EFCAB11: variants seen among roughly 807,000 people sequenced by gnomAD.
EFCAB11 encodes EF-hand calcium-binding domain-containing protein 11.
Under a neutral mutation model 23.0 loss-of-function variants are expected in EFCAB11, and 14 were observed. That is an observed-to-expected ratio of 0.61 (90% confidence interval 0.40 to 0.95). The LOEUF is 0.95. Ranked by LOEUF, EFCAB11 falls within the 40% of genes least tolerant of loss-of-function variation. The probability of loss-of-function intolerance (pLI) is 0.00; values close to 1 mark genes in which losing one functional copy is unlikely to be tolerated. For missense variants in EFCAB11, 198 were observed against 195.8 expected, an observed-to-expected ratio of 1.01 and a Z score of -0.07; for synonymous variants, 65 against 66.6, an observed-to-expected ratio of 0.98 and a Z score of 0.11.
At chr14:89,918,894 T>C (rs1889934797) in intron 5 of EFCAB11, among the ~76,000 whole-genome samples, 2 of 150,494 alleles carry the variant, frequency 1.3e-5, no homozygotes, top group African/African-American at 4.9e-5. Context: ...GCCAGCTGAG[T>C]TACATTTCTC....
At chr14:89,818,946 G>A (rs973293101) in intron 5 of EFCAB11, among the ~76,000 whole-genome samples, 5 of 152,138 alleles carry the variant, frequency 3.3e-5, no homozygotes, top group Non-Finnish European at 5.9e-5. Context: ...CAGCCACTTC[G>A]GAAAAATTAG....
chr14:89,925,841 T>G (rs1391886196), intron 5 of EFCAB11, among the ~76,000 whole-genome samples: 1 of 152,002 alleles, frequency 6.6e-6, no homozygotes, highest in Non-Finnish European at 1.5e-5. Context: ...AGACAAGTTT[T>G]TTTTTGAGAC....
At chr14:89,898,198 G>A (rs1052283748) in intron 5 of EFCAB11, among the ~76,000 whole-genome samples, 13 of 152,148 alleles carry the variant, frequency 8.5e-5, no homozygotes, top group Non-Finnish European at 1.6e-4. Flanking sequence ...AAGGTGTGAG[G>A]CCTTGCATGG....
intron 3 of EFCAB11, among the ~76,000 whole-genome samples, chr14:89,940,170 T>C (rs1890741656): frequency 6.6e-6 from 1 of 152,248 alleles, no homozygotes; most frequent in African/African-American, 2.4e-5. Context: ...TGAATATCTG[T>C]AGGAGATTCC....
chr14:89,862,339 G>T (rs1887951954), intron 5 of EFCAB11, among the ~76,000 whole-genome samples: 1 of 152,046 alleles, frequency 6.6e-6, no homozygotes, highest in Non-Finnish European at 1.5e-5. Flanking sequence ...AAACCACTGG[G>T]ACAAAAATCT....
intron 5 of EFCAB11, among the ~76,000 whole-genome samples, chr14:89,897,625 A>ACCC (rs1391510066): frequency 1.3e-5 from 2 of 152,226 alleles, no homozygotes; most frequent in Non-Finnish European, 2.9e-5. Context: ...GTTAATGGTA[A>ACCC]TATTGTAGTT....
At chr14:89,867,354 T>G (rs1348462503) in intron 5 of EFCAB11, among the ~76,000 whole-genome samples, 2 of 152,188 alleles carry the variant, frequency 1.3e-5, no homozygotes, top group African/African-American at 2.4e-5. Flanking sequence ...TCCCTGGTCC[T>G]CCCCAAACCT....
intron 5 of EFCAB11, among the ~76,000 whole-genome samples, chr14:89,908,456 A>G (rs1031170822): frequency 6.6e-6 from 1 of 152,238 alleles, no homozygotes; most frequent in African/African-American, 2.4e-5. Flanking sequence ...AATTCCATAC[A>G]TAAGTATTTA....
chr14:89,941,681 G>T (rs540143121), intron 3 of EFCAB11, among the ~76,000 whole-genome samples: 1 of 150,460 alleles, frequency 6.6e-6, no homozygotes, highest in African/African-American at 2.4e-5. Context: ...CTCCCAAGTA[G>T]CTGGGAATAT....
intron 5 of EFCAB11, among the ~76,000 whole-genome samples, chr14:89,925,141 C>G (rs1890149336): frequency 6.6e-6 from 1 of 152,134 alleles, no homozygotes; most frequent in South Asian, 2.1e-4. Context: ...TAAACCTGGA[C>G]AGGTAAGAGT....
At chr14:89,860,561 T>C (rs979899415) in intron 5 of EFCAB11, among the ~76,000 whole-genome samples, 2 of 152,286 alleles carry the variant, frequency 1.3e-5, no homozygotes, top group East Asian at 1.9e-4. Flanking sequence ...TCTTTGAAGA[T>C]ATTTCAGTTG....
chr14:89,828,461 TG>T (rs560740813), intron 5 of EFCAB11, among the ~76,000 whole-genome samples: 46 of 152,274 alleles, frequency 3.0e-4, no homozygotes, highest in South Asian at 6.2e-4. Context: ...AATGATGACA[TG>T]GAAGTGATTC....
At chr14:89,873,893 C>T (rs140155785) in intron 5 of EFCAB11, among the ~76,000 whole-genome samples, 68 of 152,272 alleles carry the variant, frequency 4.5e-4, no homozygotes, top group Non-Finnish European at 6.2e-4. Context: ...TCCAGGTACA[C>T]GATCCAAGCT....
chr14:89,888,336 T>C (rs1397522940), intron 5 of EFCAB11, among the ~76,000 whole-genome samples: 1 of 152,200 alleles, frequency 6.6e-6, no homozygotes, highest in Non-Finnish European at 1.5e-5. Context: ...TAAAGAAATA[T>C]CTGAGCTTAG....
intron 5 of EFCAB11, among the ~76,000 whole-genome samples, chr14:89,842,968 G>A (rs777392087): frequency 3.3e-4 from 50 of 152,178 alleles, no homozygotes; most frequent in Non-Finnish European, 5.7e-4. Flanking sequence ...TCTAAACAGG[G>A]TGAGGTGCTC....
chr14:89,951,485 GTATC>G (rs1222470356), intron 2 of EFCAB11, among the ~76,000 whole-genome samples: 1 of 151,644 alleles, frequency 6.6e-6, no homozygotes, highest in Non-Finnish European at 1.5e-5. Flanking sequence ...CTCTTTCTTG[GTATC>G]TATCACAGTT....
At chr14:89,892,391 C>T in intron 5 of EFCAB11, 1 of 1,600,002 alleles carries the variant, frequency 6.2e-7, no homozygotes, top group Non-Finnish European at 8.5e-7. Context: ...CCACAAGACC[C>T]AAATCCCCAG....
intron 3 of EFCAB11, among the ~76,000 whole-genome samples, chr14:89,934,079 G>A (rs1055243542): frequency 3.9e-5 from 6 of 152,140 alleles, no homozygotes; most frequent in African/African-American, 1.4e-4. Context: ...AGGGCAGCAG[G>A]GGCCAAAACT....
At chr14:89,919,248 T>C (rs1014536506) in intron 5 of EFCAB11, among the ~76,000 whole-genome samples, 7 of 151,958 alleles carry the variant, frequency 4.6e-5, no homozygotes, top group Admixed American at 1.3e-4. Flanking sequence ...CACTGTGGAA[T>C]GTATGATGGG....
Sources: gnomAD v4.1 joint callset for allele counts (sites outside exome capture counted in the v4.1 genomes callset) on GRCh38, gnomAD v4.1.1 for gene constraint, MANE v1.5 for transcripts, NCBI Gene and HGNC (gene_info 2026-07-23, HGNC 2026-07-21) for gene names.